Variants in PJA2 observed in about 807,000 individuals in gnomAD.
PJA2 encodes the protein praja ring finger ubiquitin ligase 2.
In PJA2, 25 loss-of-function variants were observed where a neutral mutation model predicts 69.3. That is an observed-to-expected ratio of 0.36 (90% CI 0.26 to 0.50). PJA2 has a LOEUF of 0.50. PJA2 is among the 20% of genes least tolerant of loss of function. The pLI is 0.96. For synonymous variants in PJA2, 308 were observed against 277.8 expected, an observed-to-expected ratio of 1.11 and a Z score of -1.08; for missense variants, 809 against 830.2, an observed-to-expected ratio of 0.97 and a Z score of 0.31.
intron 9 of PJA2, among the ~76,000 whole-genome samples, chr5:109,340,616 G>T (rs1249059810): frequency 5.7e-4 from 6 of 10,438 alleles, no homozygotes; most frequent in Non-Finnish European, 7.0e-4. Flanking sequence ...GATTTATTGG[G>T]TCCCTCCCCC....
At chr5:109,403,629 CCA>C (rs1212542060) in intron 1 of PJA2, among the ~76,000 whole-genome samples, 1 of 151,668 alleles carries the variant, frequency 6.6e-6, no homozygotes, top group Non-Finnish European at 1.5e-5. Flanking sequence ...TGAGGTTTAA[CCA>C]CAGAATGGAA....
rs1409267230 is a variant in PJA2, at chr5:109,363,013, T to G, written c.1479A>C (p.Thr493=). 1 of 1,595,088 alleles carries G rather than the reference T, an allele frequency of 6.3e-7. No individual in the cohort carries two copies. Among genetic ancestry groups the G allele is most frequent in the East Asian group, 2.3e-5 (1 of 44,392 alleles). Residue 493 remains threonine (T), a synonymous_variant, in exon 6 of 10, where the codon ACA becomes ACC. Transcript: ENST00000361189. The part of the protein sequence containing the change: ...QELSLQEGEQ[T]SLEEGEIPWL... ...AAGGAATTTCTCCCTCTTCCAAGGA[T>G]GTCTGTTCCCTAGTACAAACATTTT...
At chr5:109,398,090 A>G (rs1477518119) in intron 1 of PJA2, among the ~76,000 whole-genome samples, 1 of 152,238 alleles carries the variant, frequency 6.6e-6, no homozygotes, top group Non-Finnish European at 1.5e-5. Context: ...TGCAAATCAA[A>G]ATCACAATGA....
chr5:109,361,864 T>A (rs1412091319), intron 6 of PJA2, among the ~76,000 whole-genome samples: 1 of 152,160 alleles, frequency 6.6e-6, no homozygotes, highest in Non-Finnish European at 1.5e-5. Flanking sequence ...GCAAGGAAGA[T>A]CTCAAGAAGA....
intron 9 of PJA2, among the ~76,000 whole-genome samples, chr5:109,338,800 GA>G (rs1331511632): frequency 2.6e-5 from 4 of 152,170 alleles, no homozygotes; most frequent in African/African-American, 9.6e-5. Context: ...ACAATCATTA[GA>G]AAACGGGAAT....
At chr5:109,405,869 G>A (rs1747676457) in intron 1 of PJA2, among the ~76,000 whole-genome samples, 1 of 151,964 alleles carries the variant, frequency 6.6e-6, no homozygotes, top group South Asian at 2.1e-4. Flanking sequence ...ATAAGAAAAA[G>A]TTGGTAAGAT....
chr5:109,354,640 A>C (rs1459460001), intron 7 of PJA2, among the ~76,000 whole-genome samples: 4 of 137,748 alleles, frequency 2.9e-5, no homozygotes, highest in Non-Finnish European at 4.9e-5. Flanking sequence ...TATATTAGAT[A>C]TATGTTATAT....
intron 1 of PJA2, among the ~76,000 whole-genome samples, chr5:109,387,868 T>A (rs1747194724): frequency 6.6e-6 from 1 of 152,168 alleles, no homozygotes; most frequent in Non-Finnish European, 1.5e-5. Context: ...GTCTAGTACA[T>A]TGTCTGACAG....
chr5:109,405,278 G>A (rs1747657530), intron 1 of PJA2, among the ~76,000 whole-genome samples: 1 of 152,170 alleles, frequency 6.6e-6, no homozygotes, highest in South Asian at 2.1e-4. Context: ...CAAAGGAAAT[G>A]AAAGAAGACC....
chr5:109,397,904 C>T (rs1417775356), intron 1 of PJA2, among the ~76,000 whole-genome samples: 2 of 152,100 alleles, frequency 1.3e-5, no homozygotes, highest in Non-Finnish European at 2.9e-5. Flanking sequence ...AGAATCTACT[C>T]ATCTGACAAA....
At chr5:109,403,912 T>C (rs562402605) in intron 1 of PJA2, among the ~76,000 whole-genome samples, 5 of 149,772 alleles carry the variant, frequency 3.3e-5, no homozygotes, top group Admixed American at 3.3e-4. Context: ...TCTACAAAAA[T>C]ACAAAAAAGT....
At chr5:109,393,300 T>C (rs1747322331) in intron 1 of PJA2, among the ~76,000 whole-genome samples, 2 of 152,192 alleles carry the variant, frequency 1.3e-5, no homozygotes, top group Non-Finnish European at 2.9e-5. Context: ...ACACCGGAGA[T>C]AAAAATTAAA....
intron 4 of PJA2, among the ~76,000 whole-genome samples, 185 bp downstream of exon 4, chr5:109,378,019 T>C (rs1425800607): frequency 6.6e-6 from 1 of 152,220 alleles, no homozygotes; most frequent in Non-Finnish European, 1.5e-5. Flanking sequence ...TCAAAAACAT[T>C]TTTTTGTGAA....
chr5:109,363,544 A>G (rs1175269642), intron 5 of PJA2, among the ~76,000 whole-genome samples: 1 of 151,988 alleles, frequency 6.6e-6, no homozygotes, highest in Non-Finnish European at 1.5e-5. Context: ...CACTTCCTCT[A>G]CCTAAAATGT....
intron 5 of PJA2, among the ~76,000 whole-genome samples, chr5:109,368,285 C>G (rs1342247279): frequency 6.6e-6 from 1 of 152,180 alleles, no homozygotes; most frequent in African/African-American, 2.4e-5. Context: ...TTCACCCATT[C>G]CTAACTTAAC....
intron 1 of PJA2, chr5:109,409,153 G>A (rs1240949156): frequency 2.6e-5 from 4 of 152,208 alleles, no homozygotes; most frequent in Non-Finnish European, 5.9e-5. Context: ...CCAGTCATCT[G>A]AGGGAGGCCA....
rs898202246 is a variant in PJA2 at position 109,335,858 on chromosome 5, T to C, written c.*1373A>G. 14 of 152,732 alleles carry C rather than the reference T, an allele frequency of 9.2e-5. No individual in the cohort carries two copies. In the Middle Eastern group the frequency reaches 0.02, roughly 223 times the overall value. 9.5% of individuals were successfully genotyped at this position (152,732 alleles called of 1,614,324 possible). ...TTCATCACATTACATGCATGCAATG[T>C]TCACTTTTGTTTTACCCATAAAAGG... is the stretch of plus-strand genomic sequence containing the variant. On this transcript the variant is annotated 3_prime_UTR_variant, in exon 10 of 10. Transcript: ENST00000361189.
At chr5:109,393,295 G>A (rs553714528) in intron 1 of PJA2, among the ~76,000 whole-genome samples, 12 of 152,178 alleles carry the variant, frequency 7.9e-5, no homozygotes, top group Middle Eastern at 3.4e-3. Context: ...ATTACACACC[G>A]GAGATAAAAA....
At chr5:109,340,792 A>G (rs1762038323) in intron 9 of PJA2, among the ~76,000 whole-genome samples, 2 of 104,000 alleles carry the variant, frequency 1.9e-5, no homozygotes, top group Non-Finnish European at 4.5e-5. Flanking sequence ...CTGCGATTGC[A>G]GGCTCGCGCC....
Sources: gnomAD v4.1 joint callset for allele counts (sites outside exome capture counted in the v4.1 genomes callset) on GRCh38, gnomAD v4.1.1 for gene constraint, MANE v1.5 for transcripts, NCBI Gene and HGNC (gene_info 2026-07-23, HGNC 2026-07-21) for gene names.